The following NELL2 variants were observed in gnomAD, a reference collection of about 807,000 sequenced individuals.
NELL2 encodes protein kinase C-binding protein NELL2.
In NELL2, 41 loss-of-function variants were observed where a neutral mutation model predicts 109.6. That is an observed-to-expected ratio of 0.37 (90% CI 0.29 to 0.49). The LOEUF is 0.49. Ranked by LOEUF, NELL2 falls within the 20% of genes least tolerant of loss-of-function variation. NELL2 has a pLI of 0.98. For synonymous variants in NELL2, 355 were observed against 344.7 expected (o/e 1.03, Z -0.33); for missense variants, 900 against 1,008.3 (o/e 0.89, Z 1.45).
chr12:44,826,081 T>C (rs1021497989), intron 2 of NELL2, among the ~76,000 whole-genome samples: 1 of 152,046 alleles, frequency 6.6e-6, no homozygotes, highest in African/African-American at 2.4e-5. Flanking sequence ...AAAATTTGTG[T>C]GTTAGTAGTA....
chr12:44,644,608 G>GTGTATATATATATATA (rs1461808442), intron 13 of NELL2, among the ~76,000 whole-genome samples: 8 of 90,824 alleles, frequency 8.8e-5, no homozygotes, highest in East Asian at 4.1e-4. Context: ...ATATATGTAT[G>GTGTATATATATATATA]TATATATATA....
chr12:44,685,297 C>T (rs1207405738), intron 12 of NELL2, among the ~76,000 whole-genome samples: 1 of 151,802 alleles, frequency 6.6e-6, no homozygotes, highest in Non-Finnish European at 1.5e-5. Context: ...TTATTTTGAG[C>T]CTATGTGTGT....
At chr12:44,733,303 C>A (rs535451885) in intron 9 of NELL2, among the ~76,000 whole-genome samples, 1 of 151,852 alleles carries the variant, frequency 6.6e-6, no homozygotes, top group Non-Finnish European at 1.5e-5. Flanking sequence ...GTGGAAACAA[C>A]CTAAGTGTCC....
At chr12:44,626,024 A>C (rs1157723971) in intron 13 of NELL2, among the ~76,000 whole-genome samples, 1 of 152,176 alleles carries the variant, frequency 6.6e-6, no homozygotes, top group African/African-American at 2.4e-5. Flanking sequence ...AGCCTTCTCT[A>C]ACATCTCTAA....
At chr12:44,885,018 C>G (rs375302656) in intron 1 of NELL2, among the ~76,000 whole-genome samples, 58 of 152,106 alleles carry the variant, frequency 3.8e-4, no homozygotes, top group Non-Finnish European at 4.9e-4. Context: ...GTGGCTCCCC[C>G]CTGTAATCCC....
At chr12:44,659,088 C>A (rs917124293) in intron 13 of NELL2, among the ~76,000 whole-genome samples, 5 of 151,974 alleles carry the variant, frequency 3.3e-5, no homozygotes, top group African/African-American at 4.8e-5. Flanking sequence ...CTGACAAAAA[C>A]AAGCAATGGG....
intron 13 of NELL2, among the ~76,000 whole-genome samples, chr12:44,644,427 A>G (rs1946976694): frequency 6.6e-6 from 1 of 151,554 alleles, no homozygotes; most frequent in South Asian, 2.1e-4. Flanking sequence ...CTTCTCCTCT[A>G]GAAGAATAAG....
rs1943588139 is a variant in NELL2, at chr12:44,822,833, T to TAC, written c.185-6699_185-6698dup. Reference sequence around the variant, plus strand: ...AAATATTCATTTTTAGTCATGGGACTACCAGAATGGAGTGATGAGTTCATA... The same window carrying TAC: ...AAATATTCATTTTTAGTCATGGGACTACACCAGAATGGAGTGATGAGTTCATA... On this transcript the variant is annotated intron_variant, in intron 2 of 19. Transcript: ENST00000429094. 2.0e-5 allele frequency among the ~76,000 whole-genome samples: 3 copies of TAC among 152,184 alleles called. No homozygotes were observed. In the South Asian group the frequency reaches 6.2e-4, roughly 31 times the overall value.
Position 44,520,226 on chromosome 12 carries a change from C to A in NELL2, c.2179G>T (p.Gly727Trp), listed in dbSNP as rs758631409. 1 of 1,608,806 alleles carries A rather than the reference C, an allele frequency of 6.2e-7. No individual in the cohort carries two copies. Among genetic ancestry groups the A allele is most frequent in the Non-Finnish European group, 8.5e-7 (1 of 1,177,620 alleles). ...GGCAGGGGCCAACAATCAACTTCCC[C>A]TTGCTACAAGGAAAGCAGATGTGCA... ...QNCQQCRCLQ[G>W]EVDCWPLPCP... The change falls in exon 19 of 20, where the codon GGG (glycine) becomes TGG (tryptophan). Residue 727 changes from glycine to tryptophan, a missense_variant. Coordinates refer to ENST00000429094, the MANE Select transcript of NELL2 (RefSeq NM_001145108.2).
intron 10 of NELL2, among the ~76,000 whole-genome samples, chr12:44,714,262 A>C (rs1938367933): frequency 6.6e-6 from 1 of 151,914 alleles, no homozygotes; most frequent in African/African-American, 2.4e-5. Flanking sequence ...TTAGTTAGGT[A>C]ATTTTTCGTT....
At chr12:44,901,205 T>C (rs1201955194) in intron 1 of NELL2, among the ~76,000 whole-genome samples, 1 of 152,064 alleles carries the variant, frequency 6.6e-6, no homozygotes, top group Non-Finnish European at 1.5e-5. Flanking sequence ...CAATAAAAAA[T>C]GATAAAGGGG....
chr12:44,621,680 T>C (rs1011234058), intron 13 of NELL2, among the ~76,000 whole-genome samples: 8 of 149,474 alleles, frequency 5.4e-5, no homozygotes, highest in Admixed American at 2.6e-4. Flanking sequence ...GATTTACTCA[T>C]TGTTATTGTG....
intron 2 of NELL2, among the ~76,000 whole-genome samples, chr12:44,821,864 T>C (rs1943554434): frequency 6.6e-6 from 1 of 151,866 alleles, no homozygotes; most frequent in African/African-American, 2.4e-5. Flanking sequence ...ACTACAAGTG[T>C]GCACCACCAC....
intron 2 of NELL2, among the ~76,000 whole-genome samples, chr12:44,818,563 C>T (rs917381484): frequency 2.6e-5 from 4 of 152,046 alleles, no homozygotes; most frequent in Admixed American, 6.6e-5. Flanking sequence ...TGGCAGCTGC[C>T]TTACAAGATG....
chr12:44,635,969 G>C (rs949515204), intron 13 of NELL2, among the ~76,000 whole-genome samples: 23 of 152,112 alleles, frequency 1.5e-4, no homozygotes, highest in Admixed American at 3.9e-4. Flanking sequence ...TTGAGCAGTG[G>C]TTTGTAGTTC....
At chr12:44,882,551 G>A (rs1945426374) in intron 1 of NELL2, among the ~76,000 whole-genome samples, 1 of 150,880 alleles carries the variant, frequency 6.6e-6, no homozygotes, top group Non-Finnish European at 1.5e-5. Context: ...TTTTTGAGAT[G>A]GAGTCTCACT....
chr12:44,740,826 A>T (rs566197487), intron 9 of NELL2, among the ~76,000 whole-genome samples: 2 of 152,340 alleles, frequency 1.3e-5, no homozygotes, highest in African/African-American at 4.8e-5. Flanking sequence ...ACAAAATGGA[A>T]CACCAGAAGC....
In NELL2 at chr12:44,508,385, C is replaced by A. The variant is rs1940824540; in HGVS notation, c.*549G>T. On this transcript the variant is annotated 3_prime_UTR_variant, in exon 20 of 20. Coordinates refer to ENST00000429094, the MANE Select transcript of NELL2 (RefSeq NM_001145108.2). ...CAGTAAAACAAGGAAATAGGGATGA[C>A]TTTTCCTGTTAGAAAATATTAAGTA... The A allele has an allele frequency of 6.6e-6, 1 of 152,624 alleles. No individual in the cohort carries two copies. The highest frequency in any genetic ancestry group is 1.5e-5 in the Non-Finnish European group (1 of 68,056). The allele number at this position is 152,624 out of a possible 1,614,324, so 9.5% of individuals were successfully genotyped here. A position where few individuals can be genotyped will look rare whatever the true frequency, so the allele number is the denominator to read the frequency against.
chr12:44,911,548 A>G (rs1333949686), intron 1 of NELL2, among the ~76,000 whole-genome samples: 1 of 152,054 alleles, frequency 6.6e-6, no homozygotes, highest in Non-Finnish European at 1.5e-5. Flanking sequence ...CCTCAAAAAA[A>G]TAAAACTACA....
Sources: gnomAD v4.1 joint callset for allele counts (sites outside exome capture counted in the v4.1 genomes callset) on GRCh38, gnomAD v4.1.1 for gene constraint, MANE v1.5 for transcripts, NCBI Gene and HGNC (gene_info 2026-07-23, HGNC 2026-07-21) for gene names.